The following WDR70 variants were observed in gnomAD, a reference collection of about 807,000 sequenced individuals.
The protein encoded by WDR70 is WD repeat-containing protein 70.
In WDR70, 53 loss-of-function variants were observed where a neutral mutation model predicts 88.6. That is an observed-to-expected ratio of 0.60 (90% CI 0.48 to 0.75). The LOEUF is 0.75. Among genes scored for constraint, WDR70 ranks in the 30% least tolerant of loss-of-function variants. WDR70 has a pLI of 0.00. For synonymous variants in WDR70, 280 were observed against 270.0 expected (o/e 1.04, Z -0.36); for missense variants, 610 against 823.2 (o/e 0.74, Z 3.17).
At chr5:37,398,523 A>G (rs962253069) in intron 5 of WDR70, among the ~76,000 whole-genome samples, 1 of 152,252 alleles carries the variant, frequency 6.6e-6, no homozygotes, top group Non-Finnish European at 1.5e-5. Flanking sequence ...CAAAATCGGT[A>G]TTCTTTGCGT....
At chr5:37,730,634 G>A (rs565751417) in intron 17 of WDR70, among the ~76,000 whole-genome samples, 3 of 152,172 alleles carry the variant, frequency 2.0e-5, no homozygotes, top group Admixed American at 6.5e-5. Flanking sequence ...TATTTTGTAA[G>A]TACTAACAAT....
chr5:37,723,176 C>T, intron 15 of WDR70: 2 of 514,212 alleles, frequency 3.9e-6, no homozygotes, highest in South Asian at 2.8e-5. Context: ...TGTTCGAGTC[C>T]AATACATTAC....
chr5:37,747,972 A>C (rs6451343), intron 17 of WDR70, among the ~76,000 whole-genome samples: 144,816 of 152,152 alleles, frequency 0.95, 69,362 homozygotes, highest in East Asian at 1. Flanking sequence ...CAAACCACTG[A>C]TCAAGGAAAT....
At chr5:37,645,294 A>G (rs926595105) in intron 10 of WDR70, among the ~76,000 whole-genome samples, 2 of 151,386 alleles carry the variant, frequency 1.3e-5, no homozygotes, top group African/African-American at 4.9e-5. Context: ...CATTTGTATC[A>G]TTTCCAAATT....
intron 9 of WDR70, among the ~76,000 whole-genome samples, chr5:37,539,694 C>T (rs1027664683): frequency 6.6e-6 from 1 of 152,200 alleles, no homozygotes; most frequent in Non-Finnish European, 1.5e-5. Flanking sequence ...ATGGAATGTT[C>T]AGGGTCCCTT....
At chr5:37,405,336 A>T (rs369451709) in intron 5 of WDR70, among the ~76,000 whole-genome samples, 1 of 150,230 alleles carries the variant, frequency 6.7e-6, no homozygotes, top group Non-Finnish European at 1.5e-5. Context: ...GATAATATAT[A>T]TTTTTTTTGC....
At chr5:37,688,917 A>G (rs1482098252) in intron 10 of WDR70, among the ~76,000 whole-genome samples, 3 of 152,082 alleles carry the variant, frequency 2.0e-5, no homozygotes, top group African/African-American at 7.2e-5. Context: ...GGTCGGGGGA[A>G]TTCCCTTTCC....
chr5:37,641,542 G>A (rs544506284), intron 10 of WDR70, among the ~76,000 whole-genome samples: 11 of 150,364 alleles, frequency 7.3e-5, no homozygotes, highest in African/African-American at 2.7e-4. Context: ...TCAGCCTCCC[G>A]AGTAGCTGGG....
At chr5:37,653,659 T>G (rs747606592) in intron 10 of WDR70, among the ~76,000 whole-genome samples, 3 of 152,212 alleles carry the variant, frequency 2.0e-5, no homozygotes, top group Non-Finnish European at 2.9e-5. Flanking sequence ...CTTCCTGGTT[T>G]AGTCATGGGA....
intron 5 of WDR70, among the ~76,000 whole-genome samples, chr5:37,401,544 T>C (rs1052597982): frequency 1.3e-5 from 2 of 152,058 alleles, no homozygotes; most frequent in African/African-American, 4.8e-5. Flanking sequence ...CTTGAACTCC[T>C]GACCTCAGGT....
At chr5:37,472,433 C>G (rs1739354454) in intron 7 of WDR70, among the ~76,000 whole-genome samples, 1 of 151,910 alleles carries the variant, frequency 6.6e-6, no homozygotes, top group South Asian at 2.1e-4. Flanking sequence ...TGACATTTAT[C>G]CATGTATTTC....
intron 5 of WDR70, among the ~76,000 whole-genome samples, chr5:37,415,196 A>C (rs1290137382): frequency 6.6e-6 from 1 of 151,854 alleles, no homozygotes; most frequent in East Asian, 1.9e-4. Context: ...CTACACAGAC[A>C]CAGCAACCAT....
At chr5:37,631,783 C>G (rs1402175784) in intron 10 of WDR70, among the ~76,000 whole-genome samples, 1 of 152,154 alleles carries the variant, frequency 6.6e-6, no homozygotes, top group Non-Finnish European at 1.5e-5. Flanking sequence ...TCATTTTCCT[C>G]TACGGGTTGT....
intron 3 of WDR70, among the ~76,000 whole-genome samples, chr5:37,391,576 A>G (rs6895753): frequency 0.13 from 19,439 of 152,220 alleles, 4,079 homozygotes; most frequent in African/African-American, 0.44. Context: ...GTTTATCCAA[A>G]TTGTAGCATA....
chr5:37,750,152 T>A (rs758561737), intron 17 of WDR70, among the ~76,000 whole-genome samples: 1 of 152,196 alleles, frequency 6.6e-6, no homozygotes, highest in Admixed American at 6.5e-5. Context: ...TCTTTCTAGC[T>A]GTTGTTATGT....
chr5:37,721,060 TTGTTTCCA>T, intron 13 of WDR70, 47 bp from the exon 14 acceptor site: 2 of 1,474,866 alleles, frequency 1.4e-6, no homozygotes, highest in East Asian at 4.5e-5. Context: ...ACCAGCAGGA[TTGTTTCCA>T]TTTTTATCTG....
Position 37,514,356 on chromosome 5 carries a change from A to ATG in WDR70, c.841-2157_841-2156insGT, listed in dbSNP as rs1554145422. Among the ~76,000 whole-genome samples, 151 of 54,430 alleles carry ATG rather than the reference A, an allele frequency of 2.8e-3. 7 individuals are homozygous for ATG. Among genetic ancestry groups the ATG allele is most frequent in the African/African-American group, 5.7e-3 (147 of 25,834 alleles). 35.7% of individuals were successfully genotyped at this position (54,430 alleles called of 152,430 possible). A position where few individuals can be genotyped will look rare whatever the true frequency, so the allele number is the denominator to read the frequency against. On this transcript the variant is annotated intron_variant, in intron 8 of 17. Coordinates refer to ENST00000265107, the MANE Select transcript of WDR70 (RefSeq NM_018034.4). ...TAGAACTACATATATATATATATAT[A>ATG]TATGTATGTATGTATGTTTATGTAT...
chr5:37,669,347 GGA>G (rs1480733946), intron 10 of WDR70, among the ~76,000 whole-genome samples: 1 of 151,410 alleles, frequency 6.6e-6, no homozygotes, highest in African/African-American at 2.4e-5. Context: ...AAGGAAGGAA[GGA>G]GAGAGGGAAG....
chr5:37,468,024 T>A (rs1739212333), intron 7 of WDR70, among the ~76,000 whole-genome samples: 1 of 151,856 alleles, frequency 6.6e-6, no homozygotes, highest in Non-Finnish European at 1.5e-5. Context: ...TAATTTTTTG[T>A]ATTTTTAGTA....
Sources: gnomAD v4.1 joint callset for allele counts (sites outside exome capture counted in the v4.1 genomes callset) on GRCh38, gnomAD v4.1.1 for gene constraint, MANE v1.5 for transcripts, NCBI Gene and HGNC (gene_info 2026-07-23, HGNC 2026-07-21) for gene names.